LRFN5: variants seen among roughly 807,000 people sequenced by gnomAD.
The protein encoded by LRFN5 is leucine rich repeat and fibronectin type III domain containing 5.
LRFN5 carries 24 observed loss-of-function variants against 45.6 expected under a neutral mutation model. The observed-to-expected ratio is 0.53, with a 90% confidence interval of 0.38 to 0.74. LRFN5 has a LOEUF of 0.74. Ranked by LOEUF, LRFN5 falls within the 30% of genes least tolerant of loss-of-function variation. The pLI is 0.00. For synonymous variants in LRFN5, 340 were observed against 313.8 expected (o/e 1.08, Z -0.88); for missense variants, 776 against 861.5 (o/e 0.90, Z 1.24).
At chr14:41,794,456 T>C (rs1887047278) in intron 2 of LRFN5, among the ~76,000 whole-genome samples, 1 of 152,084 alleles carries the variant, frequency 6.6e-6, no homozygotes, top group Non-Finnish European at 1.5e-5. Flanking sequence ...ACACTTGTAT[T>C]TGTATTGCAT....
In LRFN5 at chr14:41,891,781, G is replaced by A. The variant is rs1890793299; in HGVS notation, c.1917G>A (p.Val639=). ...LPPSWTSSTS[V]SQKQKRKTGT... ...CTTCCTGGACTTCAAGCACTTCTGT[G>A]TCCCAAAAGCAGAAAAGAAAGACTG... Residue 639 remains valine, a synonymous_variant, in exon 4 of 6, where the codon GTG becomes GTA. Transcript: ENST00000298119. 5 of 1,614,074 alleles carry A rather than the reference G, an allele frequency of 3.1e-6. No individual in the cohort carries two copies. The highest frequency in any genetic ancestry group is 4.2e-6 in the Non-Finnish European group (5 of 1,180,014).
chr14:41,670,256 GA>G (rs1881124460), intron 1 of LRFN5, among the ~76,000 whole-genome samples: 1 of 45,750 alleles, frequency 2.2e-5, no homozygotes, highest in Non-Finnish European at 4.1e-5. Flanking sequence ...CATACACACA[GA>G]TATATATATA....
intron 2 of LRFN5, among the ~76,000 whole-genome samples, chr14:41,813,661 G>C (rs570324277): frequency 1.3e-5 from 2 of 152,058 alleles, no homozygotes; most frequent in South Asian, 2.1e-4. Flanking sequence ...ATATGTGTGC[G>C]TGTGTCTTTA....
intron 1 of LRFN5, among the ~76,000 whole-genome samples, chr14:41,740,237 A>G (rs1489018805): frequency 6.6e-6 from 1 of 152,016 alleles, no homozygotes; most frequent in Non-Finnish European, 1.5e-5. Flanking sequence ...CAAGGACACT[A>G]CAAGAAAAGA....
chr14:41,700,260 G>T (rs1882783859), intron 1 of LRFN5: 1 of 152,008 alleles, frequency 6.6e-6, no homozygotes, highest in Non-Finnish European at 1.5e-5. Context: ...GAGAAGCGCA[G>T]GTAGCTAGAA....
intron 4 of LRFN5, chr14:41,894,123 G>A: frequency 1.0e-6 from 1 of 983,966 alleles, no homozygotes; most frequent in African/African-American, 1.7e-5. Flanking sequence ...ACAAAAGCTT[G>A]CAAGACTTAA....
chr14:41,899,129 G>A lies in LRFN5; in HGVS notation c.2142+169G>A, dbSNP rs1455228867. Among the ~76,000 whole-genome samples, 4 of 152,042 alleles carry A rather than the reference G, an allele frequency of 2.6e-5. No individual in the cohort carries two copies. In the East Asian group the frequency reaches 7.7e-4, roughly 29 times the overall value. On this transcript the variant is annotated intron_variant, in intron 5 of 5. Coordinates refer to ENST00000298119, the MANE Select transcript of LRFN5 (RefSeq NM_152447.5). ...AGATTGAAGTTTAGTTTGATTAAGT[G>A]AATTCACAGTTTCTAAATTTAGAGA...
chr14:41,624,983 T>C (rs1490018459), intron 1 of LRFN5, among the ~76,000 whole-genome samples: 1 of 152,120 alleles, frequency 6.6e-6, no homozygotes, highest in Non-Finnish European at 1.5e-5. Flanking sequence ...AGGCAATCAA[T>C]TGCCAGTTTA....
At chr14:41,646,668 A>G (rs1016402213) in intron 1 of LRFN5, among the ~76,000 whole-genome samples, 3 of 152,206 alleles carry the variant, frequency 2.0e-5, no homozygotes, top group South Asian at 4.1e-4. Context: ...TTATGTTAGT[A>G]TATCCTCATA....
chr14:41,628,191 T>C (rs1042755756), intron 1 of LRFN5, among the ~76,000 whole-genome samples: 8 of 152,188 alleles, frequency 5.3e-5, no homozygotes, highest in African/African-American at 1.9e-4. Flanking sequence ...TAAGTTTCTT[T>C]TACCCCTCAT....
intron 1 of LRFN5, among the ~76,000 whole-genome samples, chr14:41,687,487 G>A (rs1180064688): frequency 6.6e-6 from 1 of 152,130 alleles, no homozygotes; most frequent in African/African-American, 2.4e-5. Flanking sequence ...TCATTACTTG[G>A]TATACACCCA....
At chr14:41,631,796 A>G (rs1380634856) in intron 1 of LRFN5, among the ~76,000 whole-genome samples, 1 of 152,210 alleles carries the variant, frequency 6.6e-6, no homozygotes, top group Non-Finnish European at 1.5e-5. Context: ...ATGGTTATAA[A>G]ATAGCCAAAG....
chr14:41,807,197 A>G lies in LRFN5; in HGVS notation c.-21+40168A>G, dbSNP rs140219058. ...TTAGGTATAATCCAGAAGTTAAAGG[A>G]TGTCTATAGACTTGATTTTCTACCT... On this transcript the variant is annotated intron_variant, in intron 2 of 5. Coordinates refer to ENST00000298119, the MANE Select transcript of LRFN5 (RefSeq NM_152447.5). Among the ~76,000 whole-genome samples, 182 of 152,330 alleles carry G rather than the reference A, an allele frequency of 1.2e-3. 2 individuals carry two copies. Among genetic ancestry groups the G allele is most frequent in the African/African-American group, 4.1e-3 (172 of 41,594 alleles).
chr14:41,813,427 G>T (rs893341233), intron 2 of LRFN5, among the ~76,000 whole-genome samples: 2 of 152,018 alleles, frequency 1.3e-5, no homozygotes, highest in Non-Finnish European at 2.9e-5. Flanking sequence ...TCCCACTTAT[G>T]AGTGAGAACA....
chr14:41,812,538 C>T (rs1887771401), intron 2 of LRFN5, among the ~76,000 whole-genome samples: 1 of 151,576 alleles, frequency 6.6e-6, no homozygotes, highest in Admixed American at 6.6e-5. Context: ...ATTATATATA[C>T]AAAGGCACAC....
At chr14:41,653,875 T>G (rs1007383068) in intron 1 of LRFN5, among the ~76,000 whole-genome samples, 9 of 152,012 alleles carry the variant, frequency 5.9e-5, no homozygotes, top group Non-Finnish European at 7.4e-5. Flanking sequence ...GAGTAACAGG[T>G]TAATCAGGTG....
chr14:41,698,200 A>G (rs922816765), intron 1 of LRFN5, among the ~76,000 whole-genome samples: 5 of 152,044 alleles, frequency 3.3e-5, no homozygotes, highest in African/African-American at 1.2e-4. Context: ...GAACCTGGAT[A>G]TATTACATCC....
chr14:41,611,769 T>G (rs1887766170), intron 1 of LRFN5, among the ~76,000 whole-genome samples: 1 of 152,182 alleles, frequency 6.6e-6, no homozygotes, highest in East Asian at 1.9e-4. Context: ...GAGATTCCTG[T>G]GCTGGTGTTT....
chr14:41,625,494 TA>T (rs1381065138), intron 1 of LRFN5, among the ~76,000 whole-genome samples: 1 of 152,134 alleles, frequency 6.6e-6, no homozygotes, highest in Admixed American at 6.6e-5. Context: ...CCTTATAAAT[TA>T]CCAAGCCTCA....
Sources: gnomAD v4.1 joint callset for allele counts (sites outside exome capture counted in the v4.1 genomes callset) on GRCh38, gnomAD v4.1.1 for gene constraint, MANE v1.5 for transcripts, NCBI Gene and HGNC (gene_info 2026-07-23, HGNC 2026-07-21) for gene names.